EPHA4: variants seen among roughly 807,000 people sequenced by gnomAD.
EPHA4 encodes the protein ephrin type-A receptor 4.
Under a neutral mutation model 108.3 loss-of-function variants are expected in EPHA4, and 19 were observed. The ratio of observed to expected loss-of-function variants is 0.18; its 90% confidence interval spans 0.12 to 0.26. The LOEUF (loss-of-function observed/expected upper bound fraction) is 0.26, where lower values mean the gene tolerates loss of function less well. Ranked by LOEUF, EPHA4 falls within the 10% of genes least tolerant of loss-of-function variation. The pLI is 1.00. For missense variants in EPHA4, 917 were observed against 1,254.0 expected (o/e 0.73, Z 4.06); for synonymous variants, 449 against 455.5 (o/e 0.99, Z 0.18).
chr2:221,456,461 C>A, intron 7 of EPHA4, 152 bp downstream of exon 7: 2 of 653,402 alleles, frequency 3.1e-6, no homozygotes, highest in Non-Finnish European at 4.9e-6. Context: ...AAGTTACAGA[C>A]ATTGGCTAAC....
intron 3 of EPHA4, among the ~76,000 whole-genome samples, chr2:221,514,986 A>T (rs536832504): frequency 6.6e-6 from 1 of 152,188 alleles, no homozygotes; most frequent in Non-Finnish European, 1.5e-5. Flanking sequence ...TGTACAAAAA[A>T]ATCTTACTCA....
chr2:221,498,952 G>A (rs1692390686), intron 4 of EPHA4, among the ~76,000 whole-genome samples: 1 of 151,660 alleles, frequency 6.6e-6, no homozygotes, highest in South Asian at 2.1e-4. Flanking sequence ...CACCACGCCT[G>A]TCTAATTTTT....
intron 3 of EPHA4, among the ~76,000 whole-genome samples, chr2:221,530,719 T>C (rs1202604264): frequency 6.6e-6 from 1 of 152,210 alleles, no homozygotes; most frequent in Non-Finnish European, 1.5e-5. Flanking sequence ...TTCTGTTCTC[T>C]GGCTCCATGG....
chr2:221,489,971 C>A (rs528382430), intron 4 of EPHA4, among the ~76,000 whole-genome samples: 43 of 151,998 alleles, frequency 2.8e-4, no homozygotes, highest in South Asian at 2.1e-3. Flanking sequence ...CATGGTGAAA[C>A]CCTGTCCCTG....
chr2:221,455,417 G>T, intron 8 of EPHA4, 130 bp downstream of exon 8: 1 of 693,062 alleles, frequency 1.4e-6, no homozygotes, highest in South Asian at 1.8e-5. Flanking sequence ...AAGCAACAAG[G>T]AGGAAACTTG....
intron 3 of EPHA4, among the ~76,000 whole-genome samples, chr2:221,554,749 G>A (rs1379516711): frequency 6.6e-6 from 1 of 152,074 alleles, no homozygotes; most frequent in Non-Finnish European, 1.5e-5. Context: ...TGATGTATTC[G>A]TTCATAGATG....
intron 3 of EPHA4, among the ~76,000 whole-genome samples, chr2:221,540,167 G>A (rs561805263): frequency 1.4e-4 from 21 of 152,220 alleles, no homozygotes; most frequent in Middle Eastern, 3.4e-3. Context: ...TGATCTGCCC[G>A]CCTCGTCCTC....
intron 3 of EPHA4, among the ~76,000 whole-genome samples, chr2:221,557,937 C>G (rs1297756169): frequency 2.0e-5 from 3 of 151,952 alleles, no homozygotes; most frequent in African/African-American, 7.3e-5. Context: ...AATGTTTTAA[C>G]AAAAATATAC....
At chr2:221,478,775 T>C (rs1691733133) in intron 5 of EPHA4, among the ~76,000 whole-genome samples, 1 of 151,820 alleles carries the variant, frequency 6.6e-6, no homozygotes, top group Non-Finnish European at 1.5e-5. Context: ...CAGAGTGTCC[T>C]TCCAACAACC....
intron 13 of EPHA4, among the ~76,000 whole-genome samples, chr2:221,435,396 C>T (rs3770197): frequency 0.32 from 45,921 of 141,340 alleles, 7,395 homozygotes; most frequent in South Asian, 0.43. Flanking sequence ...CTTTTCTAAA[C>T]GAATGGACTT....
At chr2:221,510,074 T>C (rs1311471742) in intron 3 of EPHA4, among the ~76,000 whole-genome samples, 2 of 152,238 alleles carry the variant, frequency 1.3e-5, no homozygotes, top group Non-Finnish European at 2.9e-5. Context: ...TATAGCACAG[T>C]GCATGGCTGC....
intron 8 of EPHA4, among the ~76,000 whole-genome samples, chr2:221,455,267 C>T (rs969994854): frequency 1.3e-5 from 2 of 152,130 alleles, no homozygotes; most frequent in Non-Finnish European, 2.9e-5. Context: ...AAACGTAACA[C>T]CTGGCAGCTT....
At chr2:221,540,932 CTTTTTTT>C (rs762353327) in intron 3 of EPHA4, among the ~76,000 whole-genome samples, 2 of 120,630 alleles carry the variant, frequency 1.7e-5, no homozygotes, top group African/African-American at 3.1e-5. Flanking sequence ...GGAAAACTGT[CTTTTTTT>C]TTTTTTTTTT....
At chr2:221,433,192 G>T (rs1471792214) in intron 14 of EPHA4, among the ~76,000 whole-genome samples, 1 of 152,160 alleles carries the variant, frequency 6.6e-6, no homozygotes, top group African/African-American at 2.4e-5. Flanking sequence ...GGCTCTAACT[G>T]TCAAGGCTGT....
chr2:221,462,432 C>A (rs917195669), intron 5 of EPHA4, among the ~76,000 whole-genome samples: 1 of 151,972 alleles, frequency 6.6e-6, no homozygotes, highest in Non-Finnish European at 1.5e-5. Context: ...ACTTGTCTCT[C>A]ATTTCTTCTT....
At chr2:221,458,357 A>G (rs1691027663) in intron 5 of EPHA4, among the ~76,000 whole-genome samples, 1 of 152,234 alleles carries the variant, frequency 6.6e-6, no homozygotes, top group Non-Finnish European at 1.5e-5. Context: ...TTTTAAGCTC[A>G]GTAAAGCTAC....
intron 9 of EPHA4, among the ~76,000 whole-genome samples, chr2:221,445,288 C>T (rs1380902791): frequency 2.0e-5 from 3 of 152,036 alleles, no homozygotes; most frequent in Non-Finnish European, 2.9e-5. Flanking sequence ...CAACCACTGT[C>T]CATTTAAAAG....
At chr2:221,514,040 T>C (rs1262012276) in intron 3 of EPHA4, among the ~76,000 whole-genome samples, 1 of 151,494 alleles carries the variant, frequency 6.6e-6, no homozygotes, top group Non-Finnish European at 1.5e-5. Flanking sequence ...AAAAGGGTGC[T>C]GGCAACAACC....
At chr2:221,444,439 A>C (rs1000855838) in intron 9 of EPHA4, among the ~76,000 whole-genome samples, 1 of 150,198 alleles carries the variant, frequency 6.7e-6, no homozygotes, top group South Asian at 2.1e-4. Context: ...AGAGGGTATG[A>C]AGGACACCAG....
Sources: allele counts gnomAD v4.1 joint callset (sites outside exome capture counted in the v4.1 genomes callset), GRCh38; gene constraint gnomAD v4.1.1; transcripts MANE v1.5; gene names NCBI Gene and HGNC (gene_info 2026-07-23, HGNC 2026-07-21).